Variants in SNTG1 observed in about 807,000 individuals in gnomAD.
SNTG1 encodes the protein syntrophin gamma 1.
A neutral mutation model predicts 74.7 loss-of-function variants in SNTG1; 39 were observed. The observed-to-expected ratio is 0.52, with a 90% CI of 0.40 to 0.68. The LOEUF (loss-of-function observed/expected upper bound fraction) is 0.68. Ranked by LOEUF, SNTG1 falls within the 30% of genes least tolerant of loss-of-function variation. The pLI, the probability that SNTG1 is intolerant of heterozygous loss-of-function variation, is 0.00. For synonymous variants in SNTG1, 254 were observed against 217.1 expected, an observed-to-expected ratio of 1.17 and a Z score of -1.49; for missense variants, 685 against 609.5, an observed-to-expected ratio of 1.12 and a Z score of -1.30.
chr8:49,924,414 C>T (rs1806832370), intron 1 of SNTG1, among the ~76,000 whole-genome samples: 1 of 152,136 alleles, frequency 6.6e-6, no homozygotes, highest in Non-Finnish European at 1.5e-5. Context: ...CCCACACTTC[C>T]TGTTTGTACA....
intron 1 of SNTG1, among the ~76,000 whole-genome samples, chr8:49,972,419 G>A (rs1385710673): frequency 1.3e-5 from 2 of 152,118 alleles, no homozygotes; most frequent in Non-Finnish European, 2.9e-5. Flanking sequence ...AACCCTAGAA[G>A]AAAACCTAGG....
At chr8:50,502,937 T>C (rs775025050) in intron 9 of SNTG1, 57 bp downstream of exon 9, 12 of 1,365,266 alleles carry the variant, frequency 8.8e-6, no homozygotes, top group South Asian at 1.3e-5. Flanking sequence ...TACATAATTA[T>C]TATTTTGACA....
intron 12 of SNTG1, among the ~76,000 whole-genome samples, chr8:50,557,231 A>G (rs566320124): frequency 6.4e-4 from 97 of 152,054 alleles, no homozygotes; most frequent in Non-Finnish European, 1.2e-3. Context: ...CAAAAAAAAA[A>G]AAAAAAACAG....
At chr8:50,447,343 C>T (rs1053936551) in intron 5 of SNTG1, among the ~76,000 whole-genome samples, 15 of 152,184 alleles carry the variant, frequency 9.9e-5, no homozygotes, top group African/African-American at 3.4e-4. Flanking sequence ...CTGATAACAG[C>T]CTCACTGAGG....
chr8:50,399,869 T>C (rs1378470995), intron 3 of SNTG1, among the ~76,000 whole-genome samples: 2 of 152,220 alleles, frequency 1.3e-5, no homozygotes, highest in African/African-American at 2.4e-5. Flanking sequence ...TCTAGATTAG[T>C]CAGCCTGGTT....
Position 50,332,998 on chromosome 8 carries a change from A to G in SNTG1, c.-27-61214A>G, listed in dbSNP as rs1430702371. 3.3e-5 allele frequency among the ~76,000 whole-genome samples: 5 copies of G among 152,378 alleles called. No homozygotes were observed. In the South Asian group the frequency reaches 8.3e-4, roughly 25 times the overall value. ...GCATGTAGCCTAATGCAAATATGGT[A>G]AAATATATTATATTTGAAGCTAGCT... On this transcript the variant is annotated intron_variant, in intron 2 of 18. Coordinates refer to ENST00000642720, the MANE Select transcript of SNTG1 (RefSeq NM_018967.5).
chr8:49,948,472 C>G (rs1809408012), intron 1 of SNTG1, among the ~76,000 whole-genome samples: 1 of 152,024 alleles, frequency 6.6e-6, no homozygotes, highest in African/African-American at 2.4e-5. Context: ...CTCTCATGAC[C>G]CTTGTTTGGT....
intron 2 of SNTG1, among the ~76,000 whole-genome samples, chr8:50,296,656 A>G (rs2089390925): frequency 1.3e-5 from 2 of 152,130 alleles, no homozygotes; most frequent in Non-Finnish European, 2.9e-5. Context: ...ACAAATACCT[A>G]ATGTATGCAG....
At chr8:50,781,704 A>G (rs1474466601) in intron 18 of SNTG1, among the ~76,000 whole-genome samples, 1 of 152,188 alleles carries the variant, frequency 6.6e-6, no homozygotes, top group South Asian at 2.1e-4. Flanking sequence ...GCCCATTTAC[A>G]TCTAAAGTTA....
chr8:50,443,131 C>G (rs1356574599), intron 5 of SNTG1, among the ~76,000 whole-genome samples: 2 of 152,200 alleles, frequency 1.3e-5, no homozygotes, highest in African/African-American at 4.8e-5. Flanking sequence ...TTGCCTTATT[C>G]TTCCTATCGG....
Position 50,433,723 on chromosome 8 carries a change from T to C in SNTG1, c.163-4820T>C, listed in dbSNP as rs144567888. On this transcript the variant is annotated intron_variant, in intron 4 of 18. Transcript: ENST00000642720. ...AATATTTATTCATTTAACATTTTAA[T>C]ACCTAACTTTGTTTCATGACCTGTG... Among the ~76,000 whole-genome samples the C allele has an allele frequency of 8.5e-5, 13 of 152,312 alleles. No homozygotes were observed. The East Asian group carries it at 2.3e-3, about 27-fold the overall frequency.
chr8:50,406,926 C>G (rs1346851533), intron 4 of SNTG1, among the ~76,000 whole-genome samples: 1 of 152,112 alleles, frequency 6.6e-6, no homozygotes, highest in Admixed American at 6.6e-5. Context: ...GAAAGCCAAT[C>G]TACAACAGAG....
At chr8:50,515,621 G>A (rs941526343) in intron 9 of SNTG1, among the ~76,000 whole-genome samples, 2 of 152,062 alleles carry the variant, frequency 1.3e-5, no homozygotes, top group East Asian at 3.9e-4. Context: ...ATGGGGGGAA[G>A]GGCGTCTACC....
intron 18 of SNTG1, among the ~76,000 whole-genome samples, chr8:50,783,153 C>T (rs917348637): frequency 6.6e-6 from 1 of 152,120 alleles, no homozygotes; most frequent in African/African-American, 2.4e-5. Context: ...GGGTCAGGGA[C>T]CCACTTGAGG....
intron 15 of SNTG1, among the ~76,000 whole-genome samples, chr8:50,680,489 G>T (rs1164876670): frequency 1.3e-5 from 2 of 152,088 alleles, no homozygotes; most frequent in Non-Finnish European, 2.9e-5. Context: ...TTTCTCATTG[G>T]ACTTTAAGTG....
At chr8:50,005,686 G>A (rs1403744340) in intron 1 of SNTG1, among the ~76,000 whole-genome samples, 4 of 152,134 alleles carry the variant, frequency 2.6e-5, no homozygotes, top group Non-Finnish European at 4.4e-5. Context: ...TTCAGGTAGT[G>A]TAGGATGAAT....
At chr8:50,178,676 G>A (rs947952494) in intron 2 of SNTG1, among the ~76,000 whole-genome samples, 9 of 151,846 alleles carry the variant, frequency 5.9e-5, no homozygotes, top group Non-Finnish European at 1.2e-4. Flanking sequence ...ATAACCATCA[G>A]CTCTATCAGC....
At chr8:50,511,098 A>T (rs2094068711) in intron 9 of SNTG1, among the ~76,000 whole-genome samples, 1 of 152,182 alleles carries the variant, frequency 6.6e-6, no homozygotes, top group Admixed American at 6.5e-5. Context: ...TGTGTCCCAA[A>T]GATTCTGGCA....
At chr8:50,704,198 C>T (rs2095435793) in intron 15 of SNTG1, among the ~76,000 whole-genome samples, 1 of 151,894 alleles carries the variant, frequency 6.6e-6, no homozygotes, top group Non-Finnish European at 1.5e-5. Flanking sequence ...TTTTGGTTTG[C>T]TTATAAAGTT....
Sources: gnomAD v4.1 joint callset for allele counts (sites outside exome capture counted in the v4.1 genomes callset) on GRCh38, gnomAD v4.1.1 for gene constraint, MANE v1.5 for transcripts, NCBI Gene and HGNC (gene_info 2026-07-23, HGNC 2026-07-21) for gene names.